PDS5B: variants seen among roughly 807,000 people sequenced by gnomAD.
The protein encoded by PDS5B is PDS5 cohesin associated factor B.
In PDS5B, 51 loss-of-function variants were observed where a neutral mutation model predicts 184.1. The observed-to-expected ratio is 0.28, with a 90% CI of 0.22 to 0.35. The LOEUF (loss-of-function observed/expected upper bound fraction) is 0.35. Ranked by LOEUF, PDS5B falls within the 10% of genes least tolerant of loss-of-function variation. The probability of loss-of-function intolerance (pLI) is 1.00; values close to 1 mark genes in which losing one functional copy is unlikely to be tolerated. For missense variants in PDS5B, 1,180 were observed against 1,723.3 expected, an observed-to-expected ratio of 0.68 and a Z score of 5.58; for synonymous variants, 566 against 569.2, an observed-to-expected ratio of 0.99 and a Z score of 0.08.
At chr13:32,630,518 C>G (rs1305304542) in intron 1 of PDS5B, among the ~76,000 whole-genome samples, 1 of 152,130 alleles carries the variant, frequency 6.6e-6, no homozygotes, top group Non-Finnish European at 1.5e-5. Flanking sequence ...CGTGAGAGTG[C>G]TGAGGTTGAG....
chr13:32,720,336 A>G (rs1263362284), intron 19 of PDS5B, among the ~76,000 whole-genome samples: 3 of 152,226 alleles, frequency 2.0e-5, no homozygotes, highest in Admixed American at 6.5e-5. Flanking sequence ...CTATGCTTCT[A>G]GGTTGGTAAC....
At chr13:32,758,425 T>G in intron 27 of PDS5B, 109 bp from the exon 28 acceptor site, 2 of 1,133,324 alleles carry the variant, frequency 1.8e-6, no homozygotes, top group South Asian at 3.1e-5. Context: ...GACTGTTGCT[T>G]TCATTAGTTT....
chr13:32,679,890 T>TGA (rs1951185734), intron 10 of PDS5B, among the ~76,000 whole-genome samples: 3 of 127,330 alleles, frequency 2.4e-5, no homozygotes, highest in African/African-American at 6.4e-5. Flanking sequence ...TGTGAGTGTG[T>TGA]GTGTGTGTGT....
At chr13:32,717,063 A>G (rs1593500159) in intron 19 of PDS5B, among the ~76,000 whole-genome samples, 2 of 132,394 alleles carry the variant, frequency 1.5e-5, no homozygotes, top group South Asian at 2.4e-4. Flanking sequence ...TCCGGGAGGG[A>G]GGTGGGGGGG....
Position 32,696,891 on chromosome 13 carries a change from T to C in PDS5B, c.1589T>C (p.Met530Thr). 3.2e-6 allele frequency: 5 copies of C among 1,563,100 alleles called. No homozygotes were observed. The highest frequency in any genetic ancestry group is 4.4e-6 in the Non-Finnish European group (5 of 1,140,408). ...ASVKAIFSKV[M>T]VITRNLPDPG... ...GTCAAGGCCATATTTTCAAAAGTGA[T>C]GGTTATTACAAGTAAGTTATTTTAA... The change falls in exon 15 of 35, where the codon ATG (methionine) becomes ACG (threonine). Residue 530 changes from methionine (M) to threonine (T), a missense_variant. Transcript: ENST00000315596.
At chr13:32,633,346 A>G (rs1670528563) in intron 1 of PDS5B, among the ~76,000 whole-genome samples, 1 of 152,184 alleles carries the variant, frequency 6.6e-6, no homozygotes, top group Non-Finnish European at 1.5e-5. Context: ...TTAGATCTAA[A>G]ACTATTGAAT....
intron 19 of PDS5B, among the ~76,000 whole-genome samples, chr13:32,731,860 C>T (rs1269202902): frequency 6.6e-6 from 1 of 152,016 alleles, no homozygotes; most frequent in African/African-American, 2.4e-5. Flanking sequence ...AGTCACCAGC[C>T]TGTTAGTGTT....
intron 26 of PDS5B, among the ~76,000 whole-genome samples, chr13:32,757,795 G>A (rs1427467064): frequency 6.6e-6 from 1 of 152,140 alleles, no homozygotes; most frequent in East Asian, 1.9e-4. Context: ...TGAGGGTTAA[G>A]ATAACTTCAT....
At chr13:32,608,472 A>G (rs1566243428) in intron 1 of PDS5B, among the ~76,000 whole-genome samples, 1 of 152,120 alleles carries the variant, frequency 6.6e-6, no homozygotes, top group Non-Finnish European at 1.5e-5. Flanking sequence ...ACAGTGATTG[A>G]TATATATATT....
At chr13:32,744,482 A>C (rs376220556) in intron 23 of PDS5B, among the ~76,000 whole-genome samples, 3 of 152,118 alleles carry the variant, frequency 2.0e-5, no homozygotes, top group Admixed American at 6.5e-5. Flanking sequence ...TTGTGTTTAC[A>C]CCTTAAACTT....
chr13:32,773,423 A>ATTTATAT (rs1954857428), intron 34 of PDS5B, 99 bp downstream of exon 34: 1 of 1,040,732 alleles, frequency 9.6e-7, no homozygotes, highest in African/African-American at 1.6e-5. Context: ...TATATGTTTT[A>ATTTATAT]CTTCATTAGT....
At chr13:32,745,574 A>G (rs778366861) in intron 23 of PDS5B, among the ~76,000 whole-genome samples, 3 of 152,214 alleles carry the variant, frequency 2.0e-5, no homozygotes, top group Non-Finnish European at 2.9e-5. Context: ...ACAGAAATTT[A>G]TATCTCACAG....
At chr13:32,634,773 G>C (rs2140588719) in intron 1 of PDS5B, among the ~76,000 whole-genome samples, 1 of 151,984 alleles carries the variant, frequency 6.6e-6, no homozygotes, top group East Asian at 1.9e-4. Context: ...AGTAGAGATG[G>C]AGTTTCACTA....
chr13:32,767,470 A>G (rs75915016), intron 31 of PDS5B, among the ~76,000 whole-genome samples: 314 of 152,218 alleles, frequency 2.1e-3, no homozygotes, highest in African/African-American at 7.3e-3. Context: ...ATCCCTACCT[A>G]TGTATATATT....
At chr13:32,613,524 A>G (rs1382369847) in intron 1 of PDS5B, among the ~76,000 whole-genome samples, 2 of 152,122 alleles carry the variant, frequency 1.3e-5, no homozygotes, top group African/African-American at 2.4e-5. Context: ...TATATTGGCT[A>G]TTTGTATATC....
chr13:32,630,999 G>A (rs2140571646), intron 1 of PDS5B, among the ~76,000 whole-genome samples: 1 of 152,056 alleles, frequency 6.6e-6, no homozygotes, highest in East Asian at 1.9e-4. Context: ...TCACCATGTT[G>A]GCCAGGCTGG....
chr13:32,590,963 T>TA (rs561927231), intron 1 of PDS5B, among the ~76,000 whole-genome samples: 3,523 of 141,682 alleles, frequency 0.025, 96 homozygotes, highest in African/African-American at 0.075. Flanking sequence ...AGGTATATGG[T>TA]AAAAAAAAAA....
At chr13:32,596,568 A>C (rs1221452166) in intron 1 of PDS5B, among the ~76,000 whole-genome samples, 1 of 152,224 alleles carries the variant, frequency 6.6e-6, no homozygotes, top group Admixed American at 6.5e-5. Context: ...ACTTTACAGG[A>C]AACTAGTTTT....
intron 21 of PDS5B, among the ~76,000 whole-genome samples, chr13:32,736,253 A>G (rs187624653): frequency 1.8e-4 from 28 of 151,826 alleles, no homozygotes; most frequent in Non-Finnish European, 2.7e-4. Context: ...ATTCCTTTCT[A>G]TGTAATGATT....
Sources: allele counts gnomAD v4.1 joint callset (sites outside exome capture counted in the v4.1 genomes callset), GRCh38; gene constraint gnomAD v4.1.1; transcripts MANE v1.5; gene names NCBI Gene and HGNC (gene_info 2026-07-23, HGNC 2026-07-21).